Variants in CTNNA2 observed in about 807,000 individuals in gnomAD.
The protein encoded by CTNNA2 is catenin alpha-2.
A neutral mutation model predicts 101.0 loss-of-function variants in CTNNA2; 42 were observed. That is an observed-to-expected ratio of 0.42 (90% CI 0.32 to 0.54). CTNNA2 has a LOEUF of 0.54. Ranked by LOEUF, CTNNA2 falls within the 20% of genes least tolerant of loss-of-function variation. The pLI is 0.14. For missense variants in CTNNA2, 871 were observed against 1,223.1 expected, an observed-to-expected ratio of 0.71 and a Z score of 4.29; for synonymous variants, 450 against 456.4, an observed-to-expected ratio of 0.99 and a Z score of 0.18.
intron 2 of CTNNA2, among the ~76,000 whole-genome samples, chr2:79,242,995 C>T (rs7577447): frequency 0.016 from 1,314 of 83,960 alleles, 18 homozygotes; most frequent in East Asian, 0.074. Flanking sequence ...TATATATATA[C>T]ACACACACAC....
chr2:80,082,002 G>A (rs545958915), intron 7 of CTNNA2, among the ~76,000 whole-genome samples: 10 of 152,136 alleles, frequency 6.6e-5, no homozygotes, highest in Non-Finnish European at 1.5e-4. Context: ...TTTTCTTTGA[G>A]TGCTGGGTGA....
intron 3 of CTNNA2, among the ~76,000 whole-genome samples, chr2:79,846,348 T>C (rs1411732739): frequency 3.3e-5 from 5 of 152,238 alleles, no homozygotes; most frequent in Non-Finnish European, 7.3e-5. Flanking sequence ...AGCTGTAGTC[T>C]ATAAGATGCA....
At chr2:80,514,734 A>C (rs894482369) in intron 9 of CTNNA2, among the ~76,000 whole-genome samples, 1 of 150,910 alleles carries the variant, frequency 6.6e-6, no homozygotes, top group South Asian at 2.1e-4. Context: ...AAGTCAAGTC[A>C]CCTCTCTCCA....
chr2:79,986,531 GT>G (rs1454902417), intron 7 of CTNNA2, among the ~76,000 whole-genome samples: 1 of 151,990 alleles, frequency 6.6e-6, no homozygotes, highest in Non-Finnish European at 1.5e-5. Context: ...TGCACTTTTC[GT>G]TGTTCTGCTC....
chr2:79,948,700 G>A (rs896827536), intron 7 of CTNNA2, among the ~76,000 whole-genome samples: 2 of 152,188 alleles, frequency 1.3e-5, no homozygotes, highest in African/African-American at 4.8e-5. Context: ...TGGGTGCGGT[G>A]GCTCACGCCT....
chr2:79,222,305 T>C (rs1274088513), intron 2 of CTNNA2, among the ~76,000 whole-genome samples: 1 of 152,210 alleles, frequency 6.6e-6, no homozygotes, highest in Admixed American at 6.5e-5. Context: ...GGCACACAGG[T>C]GGCCAGTTTA....
chr2:80,200,058 G>C (rs1342386354), intron 7 of CTNNA2, among the ~76,000 whole-genome samples: 2 of 152,210 alleles, frequency 1.3e-5, no homozygotes, highest in Non-Finnish European at 2.9e-5. Context: ...CAACTCGACA[G>C]CCAGTTCACT....
At chr2:79,496,238 AT>A (rs1573192990) in intron 4 of CTNNA2, among the ~76,000 whole-genome samples, 1 of 152,042 alleles carries the variant, frequency 6.6e-6, no homozygotes, top group Non-Finnish European at 1.5e-5. Context: ...AAGCTTTAGA[AT>A]TTTTTTCTTT....
intron 7 of CTNNA2, among the ~76,000 whole-genome samples, chr2:80,080,405 C>T (rs1699058920): frequency 6.6e-6 from 1 of 152,134 alleles, no homozygotes; most frequent in Admixed American, 6.5e-5. Flanking sequence ...ACAAGGACAC[C>T]TCGACAATTC....
chr2:79,889,505 G>T (rs939684297), intron 6 of CTNNA2, among the ~76,000 whole-genome samples: 2 of 152,152 alleles, frequency 1.3e-5, no homozygotes, highest in African/African-American at 4.8e-5. Flanking sequence ...AAACAATGGT[G>T]GGACAGCATC....
At chr2:80,528,192 T>C (rs991099197) in intron 9 of CTNNA2, among the ~76,000 whole-genome samples, 1 of 152,126 alleles carries the variant, frequency 6.6e-6, no homozygotes, top group Non-Finnish European at 1.5e-5. Flanking sequence ...ATTTTTGTTG[T>C]TGTTGTTTGT....
chr2:79,814,804 T>C (rs1182778993), intron 3 of CTNNA2, among the ~76,000 whole-genome samples: 1 of 152,192 alleles, frequency 6.6e-6, no homozygotes, highest in South Asian at 2.1e-4. Flanking sequence ...AGTAATGAGA[T>C]TGCTGGATCA....
chr2:79,642,121 A>G (rs115273362), intron 1 of CTNNA2, among the ~76,000 whole-genome samples: 1,700 of 152,328 alleles, frequency 0.011, 47 homozygotes, highest in African/African-American at 0.038. Context: ...AGTTTATTAA[A>G]GCATTCTTTA....
intron 5 of CTNNA2, among the ~76,000 whole-genome samples, chr2:79,872,466 T>C (rs1358777610): frequency 1.3e-5 from 2 of 152,152 alleles, no homozygotes; most frequent in East Asian, 1.9e-4. Flanking sequence ...CATGACTGTT[T>C]GGGAGAAACC....
At chr2:79,371,787 T>C (rs1159180) in intron 3 of CTNNA2, among the ~76,000 whole-genome samples, 127,497 of 152,016 alleles carry the variant, frequency 0.84, 53,952 homozygotes, top group African/African-American at 0.94. Context: ...TATGACACCC[T>C]TAATGATTCT....
intron 7 of CTNNA2, among the ~76,000 whole-genome samples, chr2:80,011,689 C>T (rs1475701228): frequency 6.6e-6 from 1 of 152,180 alleles, no homozygotes; most frequent in Non-Finnish European, 1.5e-5. Flanking sequence ...TTCATCAAGT[C>T]ATCATCTTTG....
chr2:79,620,761 A>G (rs775812946), intron 1 of CTNNA2, among the ~76,000 whole-genome samples: 1 of 152,174 alleles, frequency 6.6e-6, no homozygotes, highest in Non-Finnish European at 1.5e-5. Flanking sequence ...TTTGGTGTGC[A>G]TAGGCAGCCA....
At chr2:80,164,971 G>A (rs914982106) in intron 7 of CTNNA2, among the ~76,000 whole-genome samples, 3 of 99,764 alleles carry the variant, frequency 3.0e-5, no homozygotes, top group African/African-American at 1.0e-4. Flanking sequence ...GATAAGACTT[G>A]TATTTTTTCT....
At chr2:80,500,490 A>T (rs1687798494) in intron 9 of CTNNA2, among the ~76,000 whole-genome samples, 1 of 152,214 alleles carries the variant, frequency 6.6e-6, no homozygotes, top group Non-Finnish European at 1.5e-5. Flanking sequence ...TCATTTGCCA[A>T]GCATTAATGG....
Sources: gnomAD v4.1 joint callset for allele counts (sites outside exome capture counted in the v4.1 genomes callset) on GRCh38, gnomAD v4.1.1 for gene constraint, MANE v1.5 for transcripts, NCBI Gene and HGNC (gene_info 2026-07-23, HGNC 2026-07-21) for gene names.